The following USH2A variants were observed in gnomAD, a reference collection of about 807,000 sequenced individuals.
USH2A encodes usherin.
A neutral mutation model predicts 538.9 loss-of-function variants in USH2A; 443 were observed. That is an observed-to-expected ratio of 0.82 (90% CI 0.76 to 0.89). The LOEUF (loss-of-function observed/expected upper bound fraction) is 0.89. USH2A is among the 40% of genes least tolerant of loss of function. The pLI is 0.00. For missense variants in USH2A, 6,633 were observed against 6,324.8 expected (o/e 1.05, Z -1.65); for synonymous variants, 2,413 against 2,273.5 (o/e 1.06, Z -1.75).
chr1:216,263,462 A>G (rs544447663), intron 11 of USH2A, among the ~76,000 whole-genome samples: 1 of 152,194 alleles, frequency 6.6e-6, no homozygotes, highest in South Asian at 2.1e-4. Context: ...GAATGATTCA[A>G]TATGAGCAAA....
intron 12 of USH2A, 140 bp downstream of exon 12, chr1:216,250,763 T>G: frequency 1.2e-6 from 1 of 867,832 alleles, no homozygotes; most frequent in Non-Finnish European, 1.9e-6. Context: ...TTTAAACAGT[T>G]AATTTCATCC....
intron 3 of USH2A, among the ~76,000 whole-genome samples, chr1:216,409,587 C>G (rs1036188746): frequency 6.6e-6 from 1 of 151,900 alleles, no homozygotes; most frequent in Non-Finnish European, 1.5e-5. Context: ...TCACACCTAC[C>G]ACCATCTGAT....
Position 216,268,821 on chromosome 1 carries a change from G to A in USH2A, c.1972-17723C>T, listed in dbSNP as rs144110432. 7.0e-3 allele frequency among the ~76,000 whole-genome samples: 1,072 copies of A among 152,138 alleles called. 10 individuals carry two copies. The highest frequency in any genetic ancestry group is 0.037 in the Middle Eastern group (11 of 294). ...ATCTCCTTCAGGTCTCAAGTGAAAT[G>A]CCATCTTTTCAATTAAAAGTCTCTT... On this transcript the variant is annotated intron_variant, in intron 11 of 71. Coordinates refer to ENST00000307340, the MANE Select transcript of USH2A (RefSeq NM_206933.4).
At chr1:216,016,591 T>G (rs1194929788) in intron 32 of USH2A, among the ~76,000 whole-genome samples, 5 of 152,142 alleles carry the variant, frequency 3.3e-5, no homozygotes, top group African/African-American at 1.2e-4. Flanking sequence ...CTCTACTGAG[T>G]TGCCCTTTTA....
intron 21 of USH2A, among the ~76,000 whole-genome samples, chr1:216,139,760 G>A (rs1296941581): frequency 1.3e-5 from 2 of 152,106 alleles, no homozygotes; most frequent in Non-Finnish European, 2.9e-5. Context: ...CCAATCTCAT[G>A]CTTTCCTGAA....
chr1:216,269,380 A>T (rs1250494642), intron 11 of USH2A, among the ~76,000 whole-genome samples: 2 of 152,040 alleles, frequency 1.3e-5, no homozygotes, highest in African/African-American at 4.8e-5. Flanking sequence ...TTCTGCCATG[A>T]TCGTGAGGCC....
chr1:215,810,174 A>G (rs1558108596), intron 49 of USH2A, among the ~76,000 whole-genome samples: 1 of 152,316 alleles, frequency 6.6e-6, no homozygotes, highest in East Asian at 1.9e-4. Context: ...TTTGGTAGAT[A>G]TTAAAATGCT....
chr1:216,322,121 C>A, intron 8 of USH2A, 145 bp from the exon 9 acceptor site: 1 of 799,774 alleles, frequency 1.3e-6, no homozygotes, highest in Non-Finnish European at 2.1e-6. Flanking sequence ...TCTCCTTAAT[C>A]GTGTGGATAT....
intron 48 of USH2A, 108 bp downstream of exon 48, chr1:215,816,889 G>T: frequency 8.3e-7 from 1 of 1,201,970 alleles, no homozygotes. Context: ...TCTTCATAGA[G>T]TAGTGGAAAT....
chr1:215,807,800 T>C (rs1431517385), intron 49 of USH2A, among the ~76,000 whole-genome samples: 4 of 152,092 alleles, frequency 2.6e-5, no homozygotes, highest in African/African-American at 9.7e-5. Flanking sequence ...GAGTCCTTGC[T>C]CTGGAAAGAT....
chr1:216,020,743 A>G (rs1427664201), intron 32 of USH2A, among the ~76,000 whole-genome samples: 1 of 152,170 alleles, frequency 6.6e-6, no homozygotes, highest in Non-Finnish European at 1.5e-5. Flanking sequence ...TGAGTCAATC[A>G]TCAATGGCTA....
chr1:215,817,237 T>C, intron 47 of USH2A, 42 bp from the exon 48 acceptor site: 7 of 1,593,374 alleles, frequency 4.4e-6, no homozygotes, highest in Non-Finnish European at 6.0e-6. Flanking sequence ...AAAGACACTA[T>C]TTAACATTGA....
At chr1:216,041,924 C>T (rs1022252488) in intron 32 of USH2A, among the ~76,000 whole-genome samples, 7 of 151,652 alleles carry the variant, frequency 4.6e-5, no homozygotes, top group Admixed American at 3.3e-4. Flanking sequence ...ATGTGACAAA[C>T]TATACCAAAC....
chr1:216,147,356 C>T (rs2033730380), intron 21 of USH2A, among the ~76,000 whole-genome samples: 1 of 152,172 alleles, frequency 6.6e-6, no homozygotes, highest in African/African-American at 2.4e-5. Flanking sequence ...TAGCCCTCCC[C>T]CACCTGCCCA....
intron 32 of USH2A, among the ~76,000 whole-genome samples, chr1:216,016,197 G>C (rs1668707486): frequency 1.3e-5 from 2 of 149,656 alleles, no homozygotes; most frequent in Admixed American, 6.7e-5. Context: ...CTGCTGGGGG[G>C]TGGGCGGGGA....
intron 21 of USH2A, among the ~76,000 whole-genome samples, chr1:216,099,271 T>C (rs2032520771): frequency 6.6e-6 from 1 of 152,134 alleles, no homozygotes; most frequent in African/African-American, 2.4e-5. Context: ...GAATGTTGTG[T>C]TCTTGCTGTC....
intron 64 of USH2A, among the ~76,000 whole-genome samples, chr1:215,654,779 GT>G (rs1657189418): frequency 6.6e-6 from 1 of 152,130 alleles, no homozygotes; most frequent in Non-Finnish European, 1.5e-5. Flanking sequence ...TGTTTTCAAT[GT>G]AATATATTTT....
intron 32 of USH2A, among the ~76,000 whole-genome samples, chr1:216,041,079 A>G (rs1253579031): frequency 1.3e-5 from 2 of 152,068 alleles, no homozygotes; most frequent in Non-Finnish European, 2.9e-5. Context: ...ACTAGAATGT[A>G]TATACCTCAC....
intron 47 of USH2A, among the ~76,000 whole-genome samples, chr1:215,835,022 C>A (rs1240631369): frequency 6.6e-6 from 1 of 150,896 alleles, no homozygotes; most frequent in Non-Finnish European, 1.5e-5. Context: ...TTTAAGTATG[C>A]TGGTTTTGTT....
Sources: gnomAD v4.1 joint callset for allele counts (sites outside exome capture counted in the v4.1 genomes callset) on GRCh38, gnomAD v4.1.1 for gene constraint, MANE v1.5 for transcripts, NCBI Gene and HGNC (gene_info 2026-07-23, HGNC 2026-07-21) for gene names.